KAT2B: variants seen among roughly 807,000 people sequenced by gnomAD.
The protein encoded by KAT2B is histone acetyltransferase KAT2B.
KAT2B carries 36 observed loss-of-function variants against 105.9 expected under a neutral mutation model. The ratio of observed to expected loss-of-function variants is 0.34; its 90% confidence interval spans 0.26 to 0.45. The LOEUF is 0.45. KAT2B is among the 20% of genes least tolerant of loss of function. KAT2B has a pLI of 1.00. For synonymous variants in KAT2B, 397 were observed against 377.9 expected, an observed-to-expected ratio of 1.05 and a Z score of -0.59; for missense variants, 820 against 1,021.6, an observed-to-expected ratio of 0.80 and a Z score of 2.69.
chr3:20,121,197 A>G (rs1054817612), intron 8 of KAT2B, among the ~76,000 whole-genome samples: 7 of 152,208 alleles, frequency 4.6e-5, no homozygotes, highest in Non-Finnish European at 1.0e-4. Flanking sequence ...GATTTAGTAA[A>G]TAATATGTAA....
At chr3:20,080,579 T>C (rs531267465) in intron 2 of KAT2B, among the ~76,000 whole-genome samples, 3 of 152,342 alleles carry the variant, frequency 2.0e-5, no homozygotes, top group African/African-American at 7.2e-5. Context: ...GCTTATTCTT[T>C]TGTTGGTAAA....
chr3:20,075,409 C>A (rs1235806455), intron 2 of KAT2B, among the ~76,000 whole-genome samples: 1 of 151,778 alleles, frequency 6.6e-6, no homozygotes, highest in Non-Finnish European at 1.5e-5. Context: ...AGCTGGAGGT[C>A]CCATAATTCA....
chr3:20,125,743 A>G (rs780838303), intron 9 of KAT2B, among the ~76,000 whole-genome samples, 162 bp from the exon 10 acceptor site: 26 of 152,242 alleles, frequency 1.7e-4, no homozygotes, highest in Non-Finnish European at 2.9e-4. Flanking sequence ...TTGTATGTGT[A>G]TGTGTCTCTG....
At chr3:20,062,104 A>ATTATATATAAAACATAT (rs1698126453) in intron 1 of KAT2B, among the ~76,000 whole-genome samples, 4 of 60,226 alleles carry the variant, frequency 6.6e-5, no homozygotes, top group Admixed American at 2.8e-4. Context: ...AAAACATATA[A>ATTATATATAAAACATAT]TATATATTAT....
chr3:20,082,325 G>A (rs1036646847), intron 2 of KAT2B, among the ~76,000 whole-genome samples: 1 of 152,062 alleles, frequency 6.6e-6, no homozygotes, highest in Admixed American at 6.5e-5. Flanking sequence ...TTGAGCCACT[G>A]CACCCGGCCA....
At chr3:20,047,850 A>G (rs1697843205) in intron 1 of KAT2B, among the ~76,000 whole-genome samples, 2 of 152,112 alleles carry the variant, frequency 1.3e-5, no homozygotes, top group Non-Finnish European at 2.9e-5. Flanking sequence ...TCCTGACCTC[A>G]AGTGATCTGT....
Position 20,148,723 on chromosome 3 carries a change from G to A in KAT2B, c.2305+236G>A, listed in dbSNP as rs960523558. ...CCACATGAGCTTAACGACACTAGAC[G>A]CAGAAAATCCACGGTAACTGCAGAC... On this transcript the variant is annotated intron_variant, in intron 17 of 17. Coordinates refer to ENST00000263754, the MANE Select transcript of KAT2B (RefSeq NM_003884.5). 7.4e-6 allele frequency: 3 copies of A among 406,132 alleles called. No individual in the cohort carries two copies. In the South Asian group the frequency reaches 1.9e-4, roughly 25 times the overall value. 25.2% of individuals were successfully genotyped at this position (406,132 alleles called of 1,614,324 possible). A position where few individuals can be genotyped will look rare whatever the true frequency, so the allele number is the denominator to read the frequency against.
Position 20,127,554 on chromosome 3 carries a change from G to A in KAT2B, c.1749+5G>A, listed in dbSNP as rs1699428083. On this transcript the variant is annotated splice_donor_5th_base_variant and intron_variant, in intron 11 of 17. Transcript: ENST00000263754. ...ACCTCAAATGAGCAAGTCAAGGTAA[G>A]GGTAAACCCAAGGTCTTAGAAGAAG... 1.2e-6 allele frequency: 2 copies of A among 1,613,472 alleles called. No homozygotes were observed. The highest frequency in any genetic ancestry group is 1.7e-6 in the Non-Finnish European group (2 of 1,179,646).
In KAT2B at chr3:20,095,290, T is replaced by C; in HGVS notation, c.458T>C (p.Val153Ala). Reference protein sequence around the residue: ...LAAHVSHLENVSEEEMNRLLG... With the variant: ...LAAHVSHLENASEEEMNRLLG... ...GCTCATGTTTCCCACCTGGAGAATG[T>C]GTCAGAGGAAGAAATGAACAGACTC... Residue 153 changes from valine to alanine, a missense_variant, in exon 3 of 18, where the codon GTG (valine) becomes GCG (alanine). By Grantham distance (64) the Val-to-Ala change is moderately conservative. Transcript: ENST00000263754. 1 of 1,612,464 alleles carries C rather than the reference T, an allele frequency of 6.2e-7. No homozygotes were observed. Among genetic ancestry groups the C allele is most frequent in the Non-Finnish European group, 8.5e-7 (1 of 1,178,622 alleles).
intron 2 of KAT2B, among the ~76,000 whole-genome samples, chr3:20,082,374 T>A (rs553069526): frequency 6.6e-6 from 1 of 152,280 alleles, no homozygotes; most frequent in East Asian, 1.9e-4. Flanking sequence ...TTACCAACTT[T>A]AGTAAATTTA....
intron 9 of KAT2B, chr3:20,123,052 T>C: frequency 2.8e-6 from 2 of 715,908 alleles, no homozygotes; most frequent in East Asian, 2.7e-4. Context: ...TCCCAGCTTT[T>C]TATCTTGAAA....
chr3:20,055,473 C>G (rs1443570073), intron 1 of KAT2B, among the ~76,000 whole-genome samples: 1 of 152,138 alleles, frequency 6.6e-6, no homozygotes, highest in Non-Finnish European at 1.5e-5. Context: ...GGGAATTCCT[C>G]TAGATACATG....
chr3:20,077,519 C>A (rs1308256355), intron 2 of KAT2B, among the ~76,000 whole-genome samples: 3 of 152,186 alleles, frequency 2.0e-5, no homozygotes, highest in African/African-American at 4.8e-5. Flanking sequence ...TTGAGATATA[C>A]TGTAAGTGTA....
In KAT2B at chr3:20,078,937, C is replaced by T. The variant is rs1327840627; in HGVS notation, c.430+6478C>T. On this transcript the variant is annotated intron_variant, in intron 2 of 17. Transcript: ENST00000263754. ...TTGCCCAGGATGGAGTGCAGTGGCGCGATCTCCACGATCTCAGCTCACTGC... is the reference window on the plus strand; with the variant it reads ...TTGCCCAGGATGGAGTGCAGTGGCGTGATCTCCACGATCTCAGCTCACTGC... Among the ~76,000 whole-genome samples the T allele has an allele frequency of 1.1e-4, 16 of 148,170 alleles. 1 individual carries two copies. In the East Asian group the frequency reaches 2.2e-3, roughly 20 times the overall value.
intron 8 of KAT2B, among the ~76,000 whole-genome samples, chr3:20,120,144 G>A (rs888590854): frequency 1.3e-5 from 2 of 152,056 alleles, no homozygotes; most frequent in African/African-American, 4.8e-5. Flanking sequence ...GATGAGAGAG[G>A]GCAGGAAGAA....
Position 20,062,227 on chromosome 3 carries a change from A to AT in KAT2B, c.304-10106_304-10105insT, listed in dbSNP as rs1185626353. The stretch of plus-strand genomic sequence containing the variant: ...TTATATAAAATATATTATATATAAA[A>AT]ATATATATAAAATATATAATATATA... On this transcript the variant is annotated intron_variant, in intron 1 of 17. Coordinates refer to ENST00000263754, the MANE Select transcript of KAT2B (RefSeq NM_003884.5). 9.0e-3 allele frequency among the ~76,000 whole-genome samples: 504 copies of AT among 55,820 alleles called. 40 individuals are homozygous for AT. The highest frequency in any genetic ancestry group is 0.03 in the African/African-American group (472 of 15,644). 36.6% of individuals were successfully genotyped at this position (55,820 alleles called of 152,430 possible). A position where few individuals can be genotyped will look rare whatever the true frequency, so the allele number is the denominator to read the frequency against.
At chr3:20,047,119 C>T (rs1020056731) in intron 1 of KAT2B, among the ~76,000 whole-genome samples, 1 of 150,808 alleles carries the variant, frequency 6.6e-6, no homozygotes, top group African/African-American at 2.4e-5. Context: ...CAGGGTCTTA[C>T]TCTGCTTCCC....
intron 1 of KAT2B, among the ~76,000 whole-genome samples, chr3:20,067,659 CTTTA>C (rs1559516585): frequency 2.0e-5 from 3 of 151,856 alleles, no homozygotes; most frequent in African/African-American, 7.3e-5. Context: ...TGAATTCTTT[CTTTA>C]TTTATTTTTT....
intron 11 of KAT2B, among the ~76,000 whole-genome samples, chr3:20,135,552 G>C (rs962610378): frequency 6.6e-6 from 1 of 152,090 alleles, no homozygotes; most frequent in Non-Finnish European, 1.5e-5. Context: ...TATTCGGGAG[G>C]CTGAGGCAGG....
Sources: allele counts gnomAD v4.1 joint callset (sites outside exome capture counted in the v4.1 genomes callset), GRCh38; gene constraint gnomAD v4.1.1; transcripts MANE v1.5; gene names NCBI Gene and HGNC (gene_info 2026-07-23, HGNC 2026-07-21).